The following VMA22 variants were observed in gnomAD, a reference collection of about 807,000 sequenced individuals.
VMA22 encodes the protein vacuolar ATPase assembly protein VMA22.
At chr2:130,341,938 G>A in the VMA22 span, 7 of 1,613,516 alleles carry the variant, frequency 4.3e-6, no homozygotes, top group African/African-American at 5.3e-5. Flanking sequence ...GCGAGCGAGA[G>A]CCAGCCCTGC....
the VMA22 span, chr2:130,341,509 T>C: frequency 8.1e-6 from 5 of 620,762 alleles, no homozygotes; most frequent in South Asian, 2.1e-5. Flanking sequence ...CTCTACTTCC[T>C]ATAAAAGTCT....
the VMA22 span, chr2:130,342,139 G>A: frequency 6.2e-7 from 1 of 1,613,142 alleles, no homozygotes. Context: ...CACACCTCCA[G>A]ATCTGGAGCC....
chr2:130,341,965 T>C, the VMA22 span: 5 of 1,613,048 alleles, frequency 3.1e-6, no homozygotes, highest in Non-Finnish European at 4.2e-6. Context: ...AGGAAAGCGG[T>C]GAGACTCAGT....
the VMA22 span, chr2:130,341,235 C>T: frequency 1.6e-6 from 1 of 637,182 alleles, no homozygotes; most frequent in Non-Finnish European, 2.6e-6. Flanking sequence ...GACTGTTTGT[C>T]CACTCTTTCC....
the VMA22 span, chr2:130,342,026 G>C: frequency 6.2e-7 from 1 of 1,613,836 alleles, no homozygotes; most frequent in South Asian, 1.1e-5. Flanking sequence ...TCCTCCACCC[G>C]GGCGTTCAAC....
chr2:130,341,615 AT>A, the VMA22 span: 2 of 1,442,724 alleles, frequency 1.4e-6, no homozygotes, highest in Non-Finnish European at 1.9e-6. Context: ...CATAATTTGC[AT>A]TTTGTCTTTG....
the VMA22 span, chr2:130,341,773 G>A: frequency 7.5e-6 from 12 of 1,607,988 alleles, no homozygotes; most frequent in Admixed American, 1.5e-4. Flanking sequence ...AGGGAGGATG[G>A]AGCTTTGGCA....
the VMA22 span, chr2:130,338,975 T>C: frequency 1.6e-6 from 1 of 626,496 alleles, no homozygotes; most frequent in Admixed American, 2.8e-5. Context: ...CTAAGGAAAA[T>C]GGAAACATGC....
chr2:130,340,645 C>A, the VMA22 span: 1 of 494,092 alleles, frequency 2.0e-6, no homozygotes, highest in Non-Finnish European at 3.7e-6. Flanking sequence ...TGCACGTTGC[C>A]TTTGTCTGCT....
chr2:130,341,866 C>G, the VMA22 span: 7 of 1,387,846 alleles, frequency 5.0e-6, no homozygotes, highest in African/African-American at 1.5e-5. Context: ...ACCTGGGGCT[C>G]CATGTGGGAA....
At chr2:130,340,778 C>A in the VMA22 span, 1 of 1,133,200 alleles carries the variant, frequency 8.8e-7, no homozygotes, top group Non-Finnish European at 1.3e-6. Context: ...GGGTGTACAA[C>A]GGAAGTTTGG....
the VMA22 span, chr2:130,341,660 G>A: frequency 3.1e-6 from 5 of 1,609,286 alleles, no homozygotes; most frequent in East Asian, 2.2e-5. Flanking sequence ...AGGAAGAGGG[G>A]GCTCACCTGC....
chr2:130,339,269 A>C, the VMA22 span: 2 of 1,551,942 alleles, frequency 1.3e-6, no homozygotes, highest in Non-Finnish European at 1.8e-6. Flanking sequence ...TGGTATCTGT[A>C]GTGTAACACA....
At chr2:130,339,896 C>T in the VMA22 span, 1 of 1,169,284 alleles carries the variant, frequency 8.6e-7, no homozygotes, top group East Asian at 5.9e-5. Flanking sequence ...GTGTCAAAAA[C>T]TTTGGAATTT....
the VMA22 span, chr2:130,341,800 C>CGGGGCGGGGG: frequency 7.2e-7 from 1 of 1,388,824 alleles, no homozygotes. Flanking sequence ...GCCTAGAACG[C>CGGGGCGGGGG]GCCCGCCCGC....
chr2:130,339,231 G>T, the VMA22 span: 2 of 1,613,310 alleles, frequency 1.2e-6, no homozygotes, highest in Non-Finnish European at 1.7e-6. Context: ...CCAGCTGCAG[G>T]CCTGGAGGAA....
the VMA22 span, chr2:130,339,988 G>A: frequency 2.3e-6 from 1 of 432,808 alleles, no homozygotes; most frequent in Admixed American, 3.9e-5. Flanking sequence ...GTGCCCAAGT[G>A]CCCACTCAGA....
the VMA22 span, chr2:130,340,646 T>C: frequency 1.4e-4 from 71 of 495,772 alleles, no homozygotes; most frequent in African/African-American, 1.4e-3. Context: ...GCACGTTGCC[T>C]TTGTCTGCTT....
At chr2:130,341,012 T>C in the VMA22 span, 1 of 1,612,164 alleles carries the variant, frequency 6.2e-7, no homozygotes, top group Middle Eastern at 1.7e-4. Context: ...TTCTGGGGTC[T>C]TAGTGGGGCC....
Sources: gnomAD v4.1 joint callset for allele counts on GRCh38, gnomAD v4.1.1 for gene constraint, MANE v1.5 for transcripts, NCBI Gene and HGNC (gene_info 2026-07-23, HGNC 2026-07-21) for gene names.